Variants in PCGF6 observed in about 807,000 individuals in gnomAD.
PCGF6 encodes the protein polycomb group RING finger protein 6.
Under a neutral mutation model 45.5 loss-of-function variants are expected in PCGF6, and 24 were observed. The ratio of observed to expected loss-of-function variants is 0.53; its 90% CI spans 0.38 to 0.74. The LOEUF (loss-of-function observed/expected upper bound fraction) is 0.74. Among genes scored for constraint, PCGF6 ranks in the 30% least tolerant of loss-of-function variants. The pLI, the probability that PCGF6 is intolerant of heterozygous loss-of-function variation, is 0.00. For synonymous variants in PCGF6, 152 were observed against 162.1 expected (o/e 0.94, Z 0.47); for missense variants, 356 against 443.2 (o/e 0.80, Z 1.77).
intron 1 of PCGF6, among the ~76,000 whole-genome samples, chr10:103,349,317 G>A (rs1592080682): frequency 6.6e-6 from 1 of 151,836 alleles, no homozygotes; most frequent in African/African-American, 2.4e-5. Context: ...CAAAGTGCTA[G>A]GATTACAAGC....
intron 9 of PCGF6, among the ~76,000 whole-genome samples, chr10:103,304,361 G>T (rs929819921): frequency 6.6e-6 from 1 of 151,844 alleles, no homozygotes; most frequent in Non-Finnish European, 1.5e-5. Context: ...TATTTTTTGA[G>T]TCGGAATCTT....
intron 7 of PCGF6, among the ~76,000 whole-genome samples, chr10:103,328,422 T>C (rs1042380652): frequency 6.6e-6 from 1 of 152,178 alleles, no homozygotes; most frequent in Non-Finnish European, 1.5e-5. Flanking sequence ...AACTGATAAA[T>C]GGTCTGCCCG....
chr10:103,316,013 TAGAGAGAGAGAGAGAG>T (rs5787488), intron 8 of PCGF6, among the ~76,000 whole-genome samples: 1 of 119,502 alleles, frequency 8.4e-6, no homozygotes, highest in Non-Finnish European at 1.7e-5. Context: ...TATATATATA[TAGAGAGAGAGAGAGAG>T]AGAGAGAGAG....
At chr10:103,326,460 T>C in intron 8 of PCGF6, 74 bp downstream of exon 8, 1 of 824,608 alleles carries the variant, frequency 1.2e-6, no homozygotes, top group East Asian at 2.8e-5. Flanking sequence ...CATGAAATCC[T>C]ACAGAGTTCT....
intron 8 of PCGF6, among the ~76,000 whole-genome samples, chr10:103,314,510 A>C (rs2093167890): frequency 6.6e-6 from 1 of 152,242 alleles, no homozygotes; most frequent in Non-Finnish European, 1.5e-5. Flanking sequence ...GATATTCAAA[A>C]TGATTTCCCT....
chr10:103,334,013 A>G, intron 6 of PCGF6, 61 bp from the exon 7 acceptor site: 1 of 1,113,552 alleles, frequency 9.0e-7, no homozygotes. Context: ...TTTAATCATA[A>G]AACAACATAT....
At chr10:103,339,805 AAAAAAACACACAC>A (rs1355164120) in intron 6 of PCGF6, among the ~76,000 whole-genome samples, 4 of 41,124 alleles carry the variant, frequency 9.7e-5, no homozygotes, top group African/African-American at 2.3e-4. Context: ...CTGTCTCAAA[AAAAAAACACACAC>A]ACACACACAC....
chr10:103,337,716 T>C (rs2093262502), intron 6 of PCGF6, among the ~76,000 whole-genome samples: 1 of 149,288 alleles, frequency 6.7e-6, no homozygotes, highest in Admixed American at 6.7e-5. Context: ...TAACCTGAGG[T>C]CAGGAGTTCA....
chr10:103,344,297 A>T (rs532574299), intron 6 of PCGF6, among the ~76,000 whole-genome samples: 10 of 149,218 alleles, frequency 6.7e-5, no homozygotes, highest in Admixed American at 3.3e-4. Flanking sequence ...TTTGAGACAG[A>T]GTCTCACTCT....
intron 6 of PCGF6, among the ~76,000 whole-genome samples, chr10:103,341,139 G>A (rs1279341018): frequency 6.6e-6 from 1 of 151,898 alleles, no homozygotes; most frequent in Admixed American, 6.6e-5. Flanking sequence ...TGAGGCAGGA[G>A]AATCGCTTGA....
chr10:103,345,225 A>C, intron 5 of PCGF6, 93 bp from the exon 6 acceptor site: 1 of 864,060 alleles, frequency 1.2e-6, no homozygotes, highest in Non-Finnish European at 1.8e-6. Flanking sequence ...AATTATGTTG[A>C]GTATTTAAAA....
At chr10:103,344,664 G>C (rs904156755) in intron 6 of PCGF6, among the ~76,000 whole-genome samples, 1 of 151,272 alleles carries the variant, frequency 6.6e-6, no homozygotes, top group Non-Finnish European at 1.5e-5. Flanking sequence ...CTAGGTTCAA[G>C]AGAGTCTCCT....
rs182434433 is a variant in PCGF6 at position 103,326,776 on chromosome 10, T to C, written c.811-144A>G. On this transcript the variant is annotated intron_variant, in intron 7 of 9. Transcript: ENST00000369847. ...AATAGACTCTTGAAAAAACTTACTA[T>C]GAAACAAGTTAATACACATATCAGA... 142 of 504,122 alleles carry C rather than the reference T, an allele frequency of 2.8e-4. 1 individual carries two copies. Among genetic ancestry groups the C allele is most frequent in the Middle Eastern group, 6.2e-4 (2 of 3,244 alleles). 31.2% of individuals were successfully genotyped at this position (504,122 alleles called of 1,614,324 possible).
At chr10:103,336,891 T>G (rs2093259294) in intron 6 of PCGF6, among the ~76,000 whole-genome samples, 1 of 151,886 alleles carries the variant, frequency 6.6e-6, no homozygotes, top group African/African-American at 2.4e-5. Context: ...GCAAAAAAAA[T>G]TACTTGCTTC....
rs910034457 is a variant in PCGF6 at position 103,350,963 on chromosome 10, G to T, written c.104C>A (p.Thr35Asn). Residue 35 changes from threonine (T) to asparagine (N), a missense_variant, in exon 1 of 10, where the codon ACC (threonine) becomes AAC (asparagine). By Grantham distance (65) the Thr-to-Asn change is moderately conservative. Around this residue, in one of 2 missense-constraint regions of PCGF6, gnomAD observed 307 missense variants for 350.1 expected, o/e 0.88. Transcript: ENST00000369847. ...PPPPVSPPAL[T>N]PAPAAGEEGP... The stretch of plus-strand genomic sequence containing the variant: ...CTCCTCACCCGCTGCGGGTGCAGGG[G>T]TGAGGGCGGGCGGGGAGACAGGAGG... 2.5e-5 allele frequency: 37 copies of T among 1,451,846 alleles called. No homozygotes were observed. In the Admixed American group the frequency reaches 8.8e-4, roughly 34 times the overall value. The allele number at this position is 1,451,846 out of a possible 1,614,324, so 89.9% of individuals were successfully genotyped here.
At chr10:103,303,984 C>T (rs767071686) in intron 9 of PCGF6, 23 bp from the exon 10 acceptor site, 35 of 1,604,244 alleles carry the variant, frequency 2.2e-5, no homozygotes, top group African/African-American at 1.5e-4. Flanking sequence ...GAAAAAAAGA[C>T]GATTTTGCAG....
chr10:103,326,388 C>CAAA (rs371726949), intron 8 of PCGF6, 146 bp downstream of exon 8: 323 of 239,880 alleles, frequency 1.3e-3, no homozygotes, highest in South Asian at 1.7e-3. Context: ...GACTCCATCT[C>CAAA]AAAAAAAAAA....
intron 7 of PCGF6, among the ~76,000 whole-genome samples, chr10:103,327,820 G>A (rs1280812944): frequency 2.6e-5 from 4 of 150,968 alleles, no homozygotes; most frequent in African/African-American, 9.7e-5. Flanking sequence ...GACTACAGGC[G>A]TGCACCACTA....
At chr10:103,311,445 CTCTT>C (rs1395712801) in intron 9 of PCGF6, among the ~76,000 whole-genome samples, 2 of 148,262 alleles carry the variant, frequency 1.3e-5, no homozygotes, top group Non-Finnish European at 1.5e-5. Flanking sequence ...CCCGGCCTCT[CTCTT>C]TTTTTTTTTT....
Sources: gnomAD v4.1 joint callset for allele counts (sites outside exome capture counted in the v4.1 genomes callset) on GRCh38, gnomAD v4.1.1 for gene constraint, gnomAD v4.1.1 regional missense constraint, MANE v1.5 for transcripts, NCBI Gene and HGNC (gene_info 2026-07-23, HGNC 2026-07-21) for gene names.